The following ANKS1B variants were observed in gnomAD, a reference collection of about 807,000 sequenced individuals.
ANKS1B encodes ankyrin repeat and sterile alpha motif domain-containing protein 1B.
ANKS1B carries 36 observed loss-of-function variants against 148.3 expected under a neutral mutation model. The ratio of observed to expected loss-of-function variants is 0.24; its 90% confidence interval spans 0.19 to 0.32. The LOEUF is 0.32. ANKS1B is among the 10% of genes least tolerant of loss of function. The probability of loss-of-function intolerance (pLI) is 1.00; values close to 1 mark genes in which losing one functional copy is unlikely to be tolerated. For missense variants in ANKS1B, 1,157 were observed against 1,542.6 expected, an observed-to-expected ratio of 0.75 and a Z score of 4.19; for synonymous variants, 542 against 560.8, an observed-to-expected ratio of 0.97 and a Z score of 0.47.
At chr12:99,698,578 A>C (rs1459529813) in intron 8 of ANKS1B, among the ~76,000 whole-genome samples, 1 of 152,162 alleles carries the variant, frequency 6.6e-6, no homozygotes, top group Non-Finnish European at 1.5e-5. Flanking sequence ...AGAAAAAAAA[A>C]TGCTTTCTAC....
intron 6 of ANKS1B, among the ~76,000 whole-genome samples, chr12:99,776,367 C>T (rs929287958): frequency 6.6e-6 from 1 of 152,142 alleles, no homozygotes; most frequent in Non-Finnish European, 1.5e-5. Context: ...CCTTACAAAA[C>T]TATGACACAT....
At chr12:99,220,578 C>G (rs2084954862) in intron 14 of ANKS1B, among the ~76,000 whole-genome samples, 1 of 151,358 alleles carries the variant, frequency 6.6e-6, no homozygotes, top group Non-Finnish European at 1.5e-5. Flanking sequence ...TCCCAAGCAG[C>G]TGGGACTACA....
intron 17 of ANKS1B, among the ~76,000 whole-genome samples, chr12:98,989,527 T>C (rs2099925321): frequency 6.6e-6 from 1 of 152,248 alleles, no homozygotes; most frequent in Admixed American, 6.5e-5. Flanking sequence ...TAGTATATTT[T>C]GAAATCAGGT....
intron 12 of ANKS1B, among the ~76,000 whole-genome samples, chr12:99,281,789 A>T (rs1268762458): frequency 6.6e-6 from 1 of 152,228 alleles, no homozygotes; most frequent in East Asian, 1.9e-4. Flanking sequence ...CATAGGTTTA[A>T]TTCATTCATC....
At chr12:98,941,753 A>G (rs901417963) in intron 17 of ANKS1B, among the ~76,000 whole-genome samples, 1 of 152,230 alleles carries the variant, frequency 6.6e-6, no homozygotes, top group African/African-American at 2.4e-5. Flanking sequence ...TCTAAAATTA[A>G]CTTGTATTAT....
Position 99,912,354 on chromosome 12 carries a change from A to AT in ANKS1B, c.134+71749dup, listed in dbSNP as rs34445475. 2.7e-3 allele frequency among the ~76,000 whole-genome samples: 399 copies of AT among 145,762 alleles called. 2 individuals carry two copies. The highest frequency in any genetic ancestry group is 0.015 in the East Asian group (76 of 4,994). On this transcript the variant is annotated intron_variant, in intron 1 of 26. Transcript: ENST00000683438. ...GCACTACCTAATGGTTTCCCAATCAATTTTTTTTTTTTTTTGAGACAGAGT... is the reference window on the plus strand; with the variant it reads ...GCACTACCTAATGGTTTCCCAATCAATTTTTTTTTTTTTTTTGAGACAGAGT...
chr12:99,394,568 C>T (rs536303730), intron 12 of ANKS1B, among the ~76,000 whole-genome samples: 3 of 152,126 alleles, frequency 2.0e-5, no homozygotes, highest in Admixed American at 6.5e-5. Context: ...CCTATTCTAA[C>T]TTAGTCCTCA....
chr12:99,772,034 C>T (rs1294748098), intron 8 of ANKS1B, among the ~76,000 whole-genome samples: 1 of 151,998 alleles, frequency 6.6e-6, no homozygotes, highest in Non-Finnish European at 1.5e-5. Context: ...CTAAAAGTGA[C>T]TACAGATTTC....
chr12:99,609,210 C>G (rs562833118), intron 9 of ANKS1B, among the ~76,000 whole-genome samples: 1 of 152,194 alleles, frequency 6.6e-6, no homozygotes, highest in South Asian at 2.1e-4. Flanking sequence ...CTTAAATTGA[C>G]TTTTCACCAT....
Position 99,667,383 on chromosome 12 carries a change from C to A in ANKS1B, c.1129-12173G>T, listed in dbSNP as rs149571213. ...GAAAAGAAAAGAAAAGAAAAGAAAA[C>A]CCTGAATTTTCAGTTACTGATAGTT... On this transcript the variant is annotated intron_variant, in intron 8 of 26. Transcript: ENST00000683438. Among the ~76,000 whole-genome samples, 360 of 125,390 alleles carry A rather than the reference C, an allele frequency of 2.9e-3. 7 individuals are homozygous for A. In the East Asian group the frequency reaches 0.071, roughly 25 times the overall value. 82.3% of individuals were successfully genotyped at this position (125,390 alleles called of 152,430 possible).
At chr12:99,820,546 T>G (rs1369487124) in intron 2 of ANKS1B, among the ~76,000 whole-genome samples, 1 of 151,976 alleles carries the variant, frequency 6.6e-6, no homozygotes, top group African/African-American at 2.4e-5. Context: ...ATGGAAATGA[T>G]GTGTTTCTGT....
At chr12:99,161,749 T>C (rs1398990494) in intron 14 of ANKS1B, among the ~76,000 whole-genome samples, 1 of 152,198 alleles carries the variant, frequency 6.6e-6, no homozygotes, top group Non-Finnish European at 1.5e-5. Flanking sequence ...TGGAGCAGAC[T>C]CTGGAGCAAT....
At chr12:99,031,751 G>T (rs2099952323) in intron 17 of ANKS1B, among the ~76,000 whole-genome samples, 1 of 152,254 alleles carries the variant, frequency 6.6e-6, no homozygotes, top group African/African-American at 2.4e-5. Context: ...AGACAGAAAG[G>T]CTCTGGTCCT....
intron 9 of ANKS1B, chr12:99,648,373 C>T (rs774070920): frequency 2.4e-5 from 38 of 1,613,972 alleles, no homozygotes; most frequent in Admixed American, 3.3e-5. Context: ...CAACCGTGCC[C>T]GAATGGTAAC....
chr12:99,718,641 C>T (rs958375943), intron 8 of ANKS1B, among the ~76,000 whole-genome samples: 5 of 152,202 alleles, frequency 3.3e-5, no homozygotes, highest in African/African-American at 9.7e-5. Context: ...AGGATCTGCG[C>T]CTTATCAACC....
chr12:98,797,017 T>C (rs1481481630), intron 22 of ANKS1B, among the ~76,000 whole-genome samples: 1 of 152,310 alleles, frequency 6.6e-6, no homozygotes, highest in Non-Finnish European at 1.5e-5. Context: ...TGGTCTCAGG[T>C]AATTTAGTTA....
intron 12 of ANKS1B, among the ~76,000 whole-genome samples, chr12:99,267,860 T>C (rs976805616): frequency 1.3e-5 from 2 of 152,086 alleles, no homozygotes; most frequent in Admixed American, 6.6e-5. Flanking sequence ...AGCAAAGATA[T>C]GGAGCTCGGA....
At chr12:98,875,086 T>G (rs576994456) in intron 17 of ANKS1B, among the ~76,000 whole-genome samples, 142 of 152,338 alleles carry the variant, frequency 9.3e-4, no homozygotes, top group Non-Finnish European at 1.7e-3. Context: ...GACTAGAAAC[T>G]ACCCTTCTTC....
intron 17 of ANKS1B, among the ~76,000 whole-genome samples, chr12:98,937,317 A>G (rs1173442272): frequency 6.6e-6 from 1 of 152,114 alleles, no homozygotes; most frequent in African/African-American, 2.4e-5. Context: ...TTTTTAATTA[A>G]TAGGGGTAGG....
Sources: gnomAD v4.1 joint callset for allele counts (sites outside exome capture counted in the v4.1 genomes callset) on GRCh38, gnomAD v4.1.1 for gene constraint, MANE v1.5 for transcripts, NCBI Gene and HGNC (gene_info 2026-07-23, HGNC 2026-07-21) for gene names.